The following MAP2K1 variants were observed in gnomAD, a reference collection of about 807,000 sequenced individuals.
The protein encoded by MAP2K1 is mitogen-activated protein kinase kinase 1.
A neutral mutation model predicts 46.3 loss-of-function variants in MAP2K1; 16 were observed. The observed-to-expected ratio is 0.35, with a 90% CI of 0.23 to 0.52. The LOEUF is 0.52. Ranked by LOEUF, MAP2K1 falls within the 20% of genes least tolerant of loss-of-function variation. MAP2K1 has a pLI of 0.94. For synonymous variants in MAP2K1, 183 were observed against 185.6 expected (o/e 0.99, Z 0.11); for missense variants, 263 against 497.1 (o/e 0.53, Z 4.48).
chr15:66,441,752 C>CA (rs35667031), intron 3 of MAP2K1, among the ~76,000 whole-genome samples: 3,486 of 98,552 alleles, frequency 0.035, 91 homozygotes, highest in African/African-American at 0.1. Context: ...TAAAAAAAGA[C>CA]AAAAAAAAAA....
At chr15:66,484,591 G>A (rs895769469) in intron 6 of MAP2K1, among the ~76,000 whole-genome samples, 10 of 152,144 alleles carry the variant, frequency 6.6e-5, no homozygotes, top group East Asian at 1.9e-4. Context: ...CTCCCAACCC[G>A]CATTCCACAA....
At position 66,481,948 on chromosome 15, in the gene MAP2K1, T is replaced by G. The variant is rs1046215326; in HGVS notation, c.693+69T>G. 3.5e-5 allele frequency: 55 copies of G among 1,568,264 alleles called. 1 individual carries two copies. The highest frequency in any genetic ancestry group is 4.6e-5 in the Non-Finnish European group (53 of 1,151,390). ...GGGAGAGGAGCCCAGTGGGTGCCTT[T>G]CCTGTGGAGCCAGAGTCTTGTGCTG... On this transcript the variant is annotated intron_variant, in intron 6 of 10. Transcript: ENST00000307102.
chr15:66,414,633 C>T (rs1229419601), intron 1 of MAP2K1, among the ~76,000 whole-genome samples: 1 of 152,156 alleles, frequency 6.6e-6, no homozygotes, highest in East Asian at 1.9e-4. Context: ...ATTACATAGG[C>T]ATGATTAATT....
chr15:66,420,721 ATGTGTGTGTG>A (rs1166822915), intron 1 of MAP2K1, among the ~76,000 whole-genome samples: 1 of 29,702 alleles, frequency 3.4e-5, no homozygotes, highest in Non-Finnish European at 7.3e-5. Flanking sequence ...ATATATATAT[ATGTGTGTGTG>A]TGTGTGTGTG....
rs1893249124 is a variant in MAP2K1 at position 66,491,292 on chromosome 15, A to AGT, written c.*679_*680dup. The AGT allele has an allele frequency of 4.3e-6, 1 of 235,124 alleles. No individual in the cohort carries two copies. The highest frequency in any genetic ancestry group is 8.4e-6 in the Non-Finnish European group (1 of 119,132). The allele number at this position is 235,124 out of a possible 1,614,324, so 14.6% of individuals were successfully genotyped here. On this transcript the variant is annotated 3_prime_UTR_variant, in exon 11 of 11. Transcript: ENST00000307102. ...TTTCAGTATACTGTGTGGGATACTT[A>AGT]GTGGTATGTCTCTTTAAGTTTTGAT...
chr15:66,435,291 G>A, intron 2 of MAP2K1, 54 bp downstream of exon 2: 3 of 1,393,920 alleles, frequency 2.2e-6, no homozygotes, highest in Non-Finnish European at 3.1e-6. Context: ...GTACTTAGAA[G>A]CCTGGGGACC....
chr15:66,447,557 G>A (rs1032544820), intron 5 of MAP2K1, among the ~76,000 whole-genome samples: 3 of 151,588 alleles, frequency 2.0e-5, no homozygotes, highest in African/African-American at 7.3e-5. Context: ...TGCGTGTGGT[G>A]GCGTGTGCCT....
intron 1 of MAP2K1, among the ~76,000 whole-genome samples, chr15:66,405,815 A>G (rs986582032): frequency 1.3e-5 from 2 of 152,222 alleles, no homozygotes; most frequent in African/African-American, 2.4e-5. Context: ...AAGGAATTCC[A>G]TTCTTAATGT....
At chr15:66,399,744 G>A (rs1307793237) in intron 1 of MAP2K1, among the ~76,000 whole-genome samples, 1 of 152,278 alleles carries the variant, frequency 6.6e-6, no homozygotes. Context: ...CTACAGGCAT[G>A]TGCCACCATG....
At chr15:66,486,614 ATG>A (rs1373948779) in intron 7 of MAP2K1, among the ~76,000 whole-genome samples, 39 of 152,204 alleles carry the variant, frequency 2.6e-4, no homozygotes, top group African/African-American at 9.4e-4. Flanking sequence ...GCCTCTCTGA[ATG>A]TGAATACTGG....
chr15:66,438,319 C>T (rs1403838712), intron 3 of MAP2K1, among the ~76,000 whole-genome samples: 1 of 152,032 alleles, frequency 6.6e-6, no homozygotes, highest in African/African-American at 2.4e-5. Flanking sequence ...GAACTCCTGA[C>T]CTCATGATCT....
intron 1 of MAP2K1, chr15:66,401,983 A>C (rs1566996465): frequency 7.5e-7 from 1 of 1,340,380 alleles, no homozygotes; most frequent in Non-Finnish European, 9.8e-7. Context: ...CAGGCTGAAC[A>C]TTTTGAAAAA....
At chr15:66,399,078 G>A (rs1380374853) in intron 1 of MAP2K1, among the ~76,000 whole-genome samples, 2 of 152,010 alleles carry the variant, frequency 1.3e-5, no homozygotes, top group Non-Finnish European at 2.9e-5. Flanking sequence ...TGGCTGTATT[G>A]CTAAATTTTT....
chr15:66,469,344 C>T (rs1458987266), intron 5 of MAP2K1, among the ~76,000 whole-genome samples: 2 of 152,142 alleles, frequency 1.3e-5, no homozygotes, highest in African/African-American at 4.8e-5. Context: ...GTTGCAATAA[C>T]TATTTTAGTC....
At chr15:66,406,873 A>G (rs545345941) in intron 1 of MAP2K1, among the ~76,000 whole-genome samples, 5 of 152,318 alleles carry the variant, frequency 3.3e-5, no homozygotes, top group Admixed American at 6.5e-5. Flanking sequence ...TCTGCTAAAA[A>G]TACAAAAAAT....
At chr15:66,401,386 G>A (rs1361883085) in intron 1 of MAP2K1, among the ~76,000 whole-genome samples, 1 of 151,898 alleles carries the variant, frequency 6.6e-6, no homozygotes, top group Non-Finnish European at 1.5e-5. Flanking sequence ...TTTCAGTTTA[G>A]TGGTTTTTGA....
At position 66,386,964 on chromosome 15, in the gene MAP2K1, A is replaced by G. The variant is rs959876256; in HGVS notation, c.-384A>G. Reference sequence around the variant, plus strand: ...CGGCTAGGAGCACGGCGGCGGCGGCACTTTCCCCGGCAGGAGCTGGAGCTG... The same window carrying G: ...CGGCTAGGAGCACGGCGGCGGCGGCGCTTTCCCCGGCAGGAGCTGGAGCTG... On this transcript the variant is annotated 5_prime_UTR_variant, in exon 1 of 11. Coordinates refer to ENST00000307102, the MANE Select transcript of MAP2K1 (RefSeq NM_002755.4). 1 of 261,250 alleles carries G rather than the reference A, an allele frequency of 3.8e-6. No individual in the cohort carries two copies. Among genetic ancestry groups the G allele is most frequent in the Non-Finnish European group, 7.2e-6 (1 of 138,322 alleles). 16.2% of individuals were successfully genotyped at this position (261,250 alleles called of 1,614,324 possible).
At chr15:66,412,245 G>T (rs1303265496) in intron 1 of MAP2K1, among the ~76,000 whole-genome samples, 2 of 152,204 alleles carry the variant, frequency 1.3e-5, no homozygotes, top group Non-Finnish European at 2.9e-5. Flanking sequence ...CCAGGACTGT[G>T]GTTTGATATG....
intron 5 of MAP2K1, among the ~76,000 whole-genome samples, chr15:66,466,050 A>G (rs1892457218): frequency 6.6e-6 from 1 of 152,196 alleles, no homozygotes; most frequent in South Asian, 2.1e-4. Flanking sequence ...CCTATCAGAA[A>G]GTGACATTCT....
Sources: gnomAD v4.1 joint callset for allele counts (sites outside exome capture counted in the v4.1 genomes callset) on GRCh38, gnomAD v4.1.1 for gene constraint, MANE v1.5 for transcripts, NCBI Gene and HGNC (gene_info 2026-07-23, HGNC 2026-07-21) for gene names.